The following GDF1 variants were observed in gnomAD, a reference collection of about 807,000 sequenced individuals.
The protein encoded by GDF1 is growth differentiation factor 1.
GDF1 carries 8 observed loss-of-function variants against 7.4 expected under a neutral mutation model. The observed-to-expected ratio is 1.09, with a 90% CI of 0.64 to 1.96. The LOEUF (loss-of-function observed/expected upper bound fraction) is 1.96. GDF1 is among the 30% of genes most tolerant of loss of function. GDF1 has a pLI of 0.00. For missense variants in GDF1, 574 were observed against 551.5 expected (o/e 1.04, Z -0.41); for synonymous variants, 311 against 276.7 (o/e 1.12, Z -1.23).
intron 2 of GDF1, among the ~76,000 whole-genome samples, chr19:18,889,427 C>T (rs906058724): frequency 3.3e-5 from 5 of 151,832 alleles, no homozygotes; most frequent in African/African-American, 4.8e-5. Flanking sequence ...TCCTCTCCCT[C>T]GTTTTTTGAG....
At position 18,873,517 on chromosome 19, in the gene GDF1, T is replaced by C. The variant is rs1453121043; in HGVS notation, c.-312-2898A>G. 2.0e-5 allele frequency among the ~76,000 whole-genome samples: 3 copies of C among 151,658 alleles called. No homozygotes were observed. In the East Asian group the frequency reaches 5.8e-4, roughly 30 times the overall value. ...TTTGAGATCAGCCTGGGCAACACAG[T>C]GAGACCCCATCTCTACAAAAATTTT... is the stretch of plus-strand genomic sequence containing the variant. On this transcript the variant is annotated intron_variant, in intron 6 of 7. Coordinates refer to ENST00000247005, the MANE Select transcript of GDF1 (RefSeq NM_001492.6).
At chr19:18,876,219 C>T (rs752296636) in intron 6 of GDF1, among the ~76,000 whole-genome samples, 9 of 152,358 alleles carry the variant, frequency 5.9e-5, no homozygotes, top group South Asian at 4.1e-4. Context: ...CTCCTGACTT[C>T]AAGTGATCCA....
At chr19:18,885,731 G>A (rs2056340213) in intron 2 of GDF1, among the ~76,000 whole-genome samples, 1 of 151,230 alleles carries the variant, frequency 6.6e-6, no homozygotes, top group African/African-American at 2.4e-5. Context: ...ATGTTGGCCA[G>A]GCTGGTCTTG....
chr19:18,895,728 G>T lies in GDF1; in HGVS notation c.-1074+96C>A. 1.6e-6 allele frequency: 1 copy of T among 635,322 alleles called. No individual in the cohort carries two copies. The highest frequency in any genetic ancestry group is 2.1e-6 in the Non-Finnish European group (1 of 469,858). 39.4% of individuals were successfully genotyped at this position (635,322 alleles called of 1,614,324 possible). A position where few individuals can be genotyped will look rare whatever the true frequency, so the allele number is the denominator to read the frequency against. On this transcript the variant is annotated intron_variant, in intron 1 of 7. Coordinates refer to ENST00000247005, the MANE Select transcript of GDF1 (RefSeq NM_001492.6). This position sits in a 1 kb window ranked among gnomAD's most constrained non-coding sequence, Gnocchi z 6.4. ...GCGACCCCTTCATCCGCAGCAGCCAGCGCTGGAAGAAAGGAACGCGCCGGC... is the reference window on the plus strand; with the variant it reads ...GCGACCCCTTCATCCGCAGCAGCCATCGCTGGAAGAAAGGAACGCGCCGGC...
At chr19:18,879,866 C>A (rs2056158708) in intron 4 of GDF1, among the ~76,000 whole-genome samples, 1 of 149,516 alleles carries the variant, frequency 6.7e-6, no homozygotes, top group South Asian at 2.1e-4. Context: ...TCTGCCAGGT[C>A]TTCCCCACCA....
chr19:18,869,469 A>T, intron 7 of GDF1, 79 bp from the exon 8 acceptor site: 1 of 1,471,514 alleles, frequency 6.8e-7, no homozygotes, highest in Non-Finnish European at 9.0e-7. Flanking sequence ...GACAGGGAGG[A>T]AGGTGAACGC....
intron 3 of GDF1, among the ~76,000 whole-genome samples, chr19:18,881,219 T>A (rs61639177): frequency 0.29 from 44,124 of 149,808 alleles, 8,049 homozygotes; most frequent in Middle Eastern, 0.48. Context: ...TTTTTTTTTT[T>A]AATTTTTTTT....
rs1568291956 is a variant in GDF1 at position 18,870,543 on chromosome 19, TGGGGCCGGGTCCACGGGGGC to T, written c.-256_-237del. 1 of 28,248 alleles carries T rather than the reference TGGGGCCGGGTCCACGGGGGC, an allele frequency of 3.5e-5. No homozygotes were observed. The highest frequency in any genetic ancestry group is 1.1e-4 in the Non-Finnish European group (1 of 8,784). The allele number at this position is 28,248 out of a possible 1,614,324, so 1.7% of individuals were successfully genotyped here. On this transcript the variant is annotated 5_prime_UTR_variant, in exon 7 of 8. Coordinates refer to ENST00000247005, the MANE Select transcript of GDF1 (RefSeq NM_001492.6). The surrounding 1 kb of genome is among the most constrained non-coding windows in gnomAD (Gnocchi z 5.1). Reference sequence around the variant, plus strand: ...GGGAGCGTGGCCGGGGTATTCGGGGTGGGGCCGGGTCCACGGGGGCGGGGCCGAGGGGTTCAGAAGCGCTT... The same window carrying T: ...GGGAGCGTGGCCGGGGTATTCGGGGTGGGGCCGAGGGGTTCAGAAGCGCTT...
Position 18,869,304 on chromosome 19 carries a change from G to A in GDF1, c.412C>T (p.Pro138Ser). ...TVVFDLSAVEPAERPSRARLE... is the reference protein window; with the variant it reads ...TVVFDLSAVESAERPSRARLE... Reference sequence around the variant, plus strand: ...CGGGCCCGGCTCGGGCGCTCAGCGGGTTCCACAGCCGACAGGTCGAAGACG... The same window carrying A: ...CGGGCCCGGCTCGGGCGCTCAGCGGATTCCACAGCCGACAGGTCGAAGACG... Residue 138 changes from proline (P) to serine (S), a missense_variant, in exon 8 of 8, where the codon CCC becomes TCC. Transcript: ENST00000247005. 1 of 1,518,624 alleles carries A rather than the reference G, an allele frequency of 6.6e-7. No homozygotes were observed. The highest frequency in any genetic ancestry group is 8.8e-7 in the Non-Finnish European group (1 of 1,140,564). 94.1% of individuals were successfully genotyped at this position (1,518,624 alleles called of 1,614,324 possible). A position where few individuals can be genotyped will look rare whatever the true frequency, so the allele number is the denominator to read the frequency against.
intron 6 of GDF1, among the ~76,000 whole-genome samples, chr19:18,872,488 C>T (rs1425542933): frequency 1.3e-5 from 2 of 151,706 alleles, no homozygotes; most frequent in Admixed American, 1.3e-4. Flanking sequence ...GCTGGGACTA[C>T]AGGCATGCAA....
chr19:18,870,569 C>T lies in GDF1; in HGVS notation c.-262G>A. 2 of 576,820 alleles carry T rather than the reference C, an allele frequency of 3.5e-6. No individual in the cohort carries two copies. Among genetic ancestry groups the T allele is most frequent in the Non-Finnish European group, 6.3e-6 (2 of 318,592 alleles). The allele number at this position is 576,820 out of a possible 1,614,324, so 35.7% of individuals were successfully genotyped here. A position where few individuals can be genotyped will look rare whatever the true frequency, so the allele number is the denominator to read the frequency against. ...GGGGCCGGGTCCACGGGGGCGGGGC[C>T]GAGGGGTTCAGAAGCGCTTGTCCTT... On this transcript the variant is annotated 5_prime_UTR_variant, in exon 7 of 8. Transcript: ENST00000247005. This position sits in a 1 kb window ranked among gnomAD's most constrained non-coding sequence, Gnocchi z 5.1.
chr19:18,880,500 G>A (rs1568299032), intron 3 of GDF1, 65 bp from the exon 4 acceptor site: 2 of 1,467,300 alleles, frequency 1.4e-6, no homozygotes, highest in African/African-American at 1.4e-5. Context: ...TCTGCACTAA[G>A]GCCCCCAGCA....
At chr19:18,894,205 C>A (rs2056568394) in intron 1 of GDF1, among the ~76,000 whole-genome samples, 1 of 131,242 alleles carries the variant, frequency 7.6e-6, no homozygotes, top group Non-Finnish European at 1.5e-5. Flanking sequence ...ATTGGGAGTG[C>A]AGAGGAAGCT....
chr19:18,883,726 C>T (rs1321564629), intron 3 of GDF1, among the ~76,000 whole-genome samples: 1 of 152,142 alleles, frequency 6.6e-6, no homozygotes, highest in East Asian at 1.9e-4. Context: ...ACAGCCATGC[C>T]CCCATTGCTT....
At chr19:18,893,692 G>GT in intron 1 of GDF1, 117 bp from the exon 2 acceptor site, 1 of 1,052,988 alleles carries the variant, frequency 9.5e-7, no homozygotes. Flanking sequence ...GGGAAGGCCT[G>GT]TCCCCCATGC....
intron 7 of GDF1, among the ~76,000 whole-genome samples, chr19:18,869,591 G>T (rs1411725453): frequency 6.6e-6 from 1 of 151,166 alleles, no homozygotes; most frequent in East Asian, 2.0e-4. Context: ...TGCGGCGGGG[G>T]GGGTGGGCTG....
intron 3 of GDF1, among the ~76,000 whole-genome samples, chr19:18,881,130 C>G (rs143249333): frequency 6.6e-6 from 1 of 152,278 alleles, no homozygotes; most frequent in Non-Finnish European, 1.5e-5. Flanking sequence ...ACACCACCAC[C>G]ATGATGAGAC....
chr19:18,876,446 A>G (rs1260524864), intron 6 of GDF1, among the ~76,000 whole-genome samples: 3 of 151,702 alleles, frequency 2.0e-5, no homozygotes, highest in Non-Finnish European at 4.4e-5. Context: ...GGCTTAAGTG[A>G]TCCTCCCACC....
intron 2 of GDF1, among the ~76,000 whole-genome samples, chr19:18,885,878 C>T (rs1357381019): frequency 6.6e-6 from 1 of 152,176 alleles, no homozygotes; most frequent in Non-Finnish European, 1.5e-5. Context: ...CCCTGCAAAT[C>T]CCTGGCCCTG....
Sources: gnomAD v4.1 joint callset for allele counts (sites outside exome capture counted in the v4.1 genomes callset) on GRCh38, gnomAD v4.1.1 for gene constraint, Gnocchi (gnomAD v3.1) non-coding constraint, MANE v1.5 for transcripts, NCBI Gene and HGNC (gene_info 2026-07-23, HGNC 2026-07-21) for gene names.